NLK: variants seen among roughly 807,000 people sequenced by gnomAD.
NLK encodes the protein nemo like kinase, also known as serine/threonine-protein kinase NLK.
In NLK, 11 loss-of-function variants were observed where a neutral mutation model predicts 59.0. The observed-to-expected ratio is 0.19, with a 90% CI of 0.12 to 0.31. NLK has a LOEUF of 0.31. Ranked by LOEUF, NLK falls within the 10% of genes least tolerant of loss-of-function variation. The pLI, the probability that NLK is intolerant of heterozygous loss-of-function variation, is 1.00. For missense variants in NLK, 410 were observed against 661.1 expected (o/e 0.62, Z 4.16); for synonymous variants, 235 against 235.9 (o/e 1.00, Z 0.03).
At chr17:28,090,029 T>C (rs1052489380) in intron 1 of NLK, among the ~76,000 whole-genome samples, 1 of 152,192 alleles carries the variant, frequency 6.6e-6, no homozygotes, top group African/African-American at 2.4e-5. Context: ...AGAGCAGAAG[T>C]TTCTAATTTT....
Position 28,165,184 on chromosome 17 carries a change from A to T in NLK, c.837+1556A>T, listed in dbSNP as rs552388099. Among the ~76,000 whole-genome samples the T allele has an allele frequency of 2.7e-3, 417 of 152,294 alleles. 4 individuals are homozygous for T. The highest frequency in any genetic ancestry group is 9.2e-3 in the African/African-American group (384 of 41,572). ...TAATCGTTTTTTAATTAAAAAAAAA[A>T]TTTAAACCTTATAGTTAGAAATTTT... is the stretch of plus-strand genomic sequence containing the variant. On this transcript the variant is annotated intron_variant, in intron 5 of 10. Coordinates refer to ENST00000407008, the MANE Select transcript of NLK (RefSeq NM_016231.5).
intron 3 of NLK, among the ~76,000 whole-genome samples, chr17:28,160,449 G>A (rs537127205): frequency 4.6e-5 from 7 of 152,120 alleles, no homozygotes; most frequent in Admixed American, 2.0e-4. Flanking sequence ...TATCTAACAC[G>A]TGCTTCACAA....
chr17:28,203,382 G>GCTAC, the NLK span, among the ~76,000 whole-genome samples: 5 of 152,094 alleles, frequency 3.3e-5, no homozygotes, highest in South Asian at 1.0e-3. Flanking sequence ...AGCCACTAAT[G>GCTAC]CTACCATCAC....
chr17:28,139,648 A>G (rs1392429335), intron 3 of NLK, among the ~76,000 whole-genome samples: 1 of 152,234 alleles, frequency 6.6e-6, no homozygotes, highest in Non-Finnish European at 1.5e-5. Flanking sequence ...TTAAAAATGT[A>G]ATATGTGAGA....
At chr17:28,110,835 T>G (rs538354846) in intron 1 of NLK, among the ~76,000 whole-genome samples, 73 of 152,220 alleles carry the variant, frequency 4.8e-4, no homozygotes, top group South Asian at 3.3e-3. Flanking sequence ...TAATTCTTTT[T>G]TTTGTTTGTT....
chr17:28,093,153 G>A (rs537497741), intron 1 of NLK, among the ~76,000 whole-genome samples: 11 of 152,194 alleles, frequency 7.2e-5, no homozygotes, highest in African/African-American at 2.2e-4. Context: ...CTGAGACTAA[G>A]AGTAACTTCA....
At chr17:28,169,565 T>C (rs954274347) in intron 6 of NLK, among the ~76,000 whole-genome samples, 2 of 152,174 alleles carry the variant, frequency 1.3e-5, no homozygotes, top group African/African-American at 4.8e-5. Flanking sequence ...TTACTGGGTA[T>C]TTTGTATTAA....
chr17:28,170,279 A>G (rs1427696988), intron 6 of NLK, among the ~76,000 whole-genome samples: 2 of 152,244 alleles, frequency 1.3e-5, no homozygotes, highest in Non-Finnish European at 2.9e-5. Flanking sequence ...GAAAACTTAA[A>G]TGAAGGTTTT....
the NLK span, among the ~76,000 whole-genome samples, chr17:28,203,683 C>T: frequency 2.0e-5 from 3 of 152,168 alleles, no homozygotes; most frequent in Non-Finnish European, 4.4e-5. Context: ...ACTACAGGCG[C>T]CTGCCACCAC....
chr17:28,078,749 G>T (rs1910250267), intron 1 of NLK, among the ~76,000 whole-genome samples: 1 of 151,944 alleles, frequency 6.6e-6, no homozygotes, highest in Admixed American at 6.6e-5. Flanking sequence ...AAACTACATG[G>T]TTTATAAACC....
chr17:28,188,305 C>T (rs1909191045), intron 8 of NLK, among the ~76,000 whole-genome samples: 1 of 152,176 alleles, frequency 6.6e-6, no homozygotes. Context: ...AAGTTTGTTA[C>T]TTTGTTACAG....
intron 1 of NLK, among the ~76,000 whole-genome samples, chr17:28,086,704 T>A (rs2142772353): frequency 6.6e-6 from 1 of 152,136 alleles, no homozygotes; most frequent in East Asian, 1.9e-4. Flanking sequence ...TAAGTCAGTA[T>A]AAGTGACTCT....
chr17:28,045,732 A>G (rs951714167), intron 1 of NLK, among the ~76,000 whole-genome samples: 2 of 152,174 alleles, frequency 1.3e-5, no homozygotes, highest in Non-Finnish European at 2.9e-5. Context: ...GACTGTTTAG[A>G]GATTTGAAAA....
At chr17:28,174,985 ATTT>A (rs750590388) in intron 7 of NLK, among the ~76,000 whole-genome samples, 7 of 131,310 alleles carry the variant, frequency 5.3e-5, no homozygotes, top group African/African-American at 5.6e-5. Flanking sequence ...AGCCACCTGG[ATTT>A]TTTTTTTTTT....
intron 1 of NLK, among the ~76,000 whole-genome samples, chr17:28,100,476 C>A (rs1012206192): frequency 2.0e-5 from 3 of 152,150 alleles, no homozygotes; most frequent in African/African-American, 7.2e-5. Flanking sequence ...GTAGTAGAAT[C>A]TTACTGTGGT....
chr17:28,173,307 G>A (rs1299506522), intron 7 of NLK, among the ~76,000 whole-genome samples: 1 of 152,144 alleles, frequency 6.6e-6, no homozygotes, highest in Non-Finnish European at 1.5e-5. Flanking sequence ...GACTTGAACA[G>A]GATGACCCAG....
intron 5 of NLK, among the ~76,000 whole-genome samples, chr17:28,165,366 T>C (rs1298121443): frequency 6.6e-6 from 1 of 152,168 alleles, no homozygotes; most frequent in African/African-American, 2.4e-5. Context: ...TTGTCCGTTA[T>C]GGTTTTATAA....
intron 10 of NLK, among the ~76,000 whole-genome samples, chr17:28,194,074 AG>A (rs1263719639): frequency 6.6e-6 from 1 of 152,242 alleles, no homozygotes; most frequent in East Asian, 1.9e-4. Flanking sequence ...ACTTGATAAA[AG>A]AATGCTTATA....
intron 2 of NLK, among the ~76,000 whole-genome samples, chr17:28,125,564 G>A (rs1906257506): frequency 6.6e-6 from 1 of 152,170 alleles, no homozygotes; most frequent in Non-Finnish European, 1.5e-5. Flanking sequence ...CTGTGAAAGT[G>A]TTTAAAAGTG....
Sources: allele counts gnomAD v4.1 joint callset (sites outside exome capture counted in the v4.1 genomes callset), GRCh38; gene constraint gnomAD v4.1.1; transcripts MANE v1.5; gene names NCBI Gene and HGNC (gene_info 2026-07-23, HGNC 2026-07-21).